ZNF468: variants seen among roughly 807,000 people sequenced by gnomAD.
The protein encoded by ZNF468 is zinc finger protein ZNF468.
Under a neutral mutation model 7.2 loss-of-function variants are expected in ZNF468, and 8 were observed. The ratio of observed to expected loss-of-function variants is 1.11; its 90% CI spans 0.65 to 2.01. The LOEUF (loss-of-function observed/expected upper bound fraction) is 2.01, where lower values mean the gene tolerates loss of function less well. Ranked by LOEUF, ZNF468 falls within the 30% of genes most tolerant of loss-of-function variation. The pLI is 0.00. For missense variants in ZNF468, 608 were observed against 626.5 expected (o/e 0.97, Z 0.31); for synonymous variants, 218 against 214.4 (o/e 1.02, Z -0.15).
intron 3 of ZNF468, among the ~76,000 whole-genome samples, chr19:52,844,586 T>C (rs201154028): frequency 1.3e-5 from 2 of 152,130 alleles, no homozygotes; most frequent in East Asian, 3.9e-4. Context: ...TTGCCAAGTC[T>C]GGAGTGCAGT....
Position 52,839,832 on chromosome 19 carries a change from G to T in ZNF468, c.*893C>A. On this transcript the variant is annotated 3_prime_UTR_variant, in exon 4 of 4. Transcript: ENST00000595646. ...AGTTCACCAGTGAAATGCAAGGCAT[G>T]AACGATGTCTGAAAAATTTGCCACA... The T allele has an allele frequency of 5.3e-6, 3 of 561,644 alleles. No homozygotes were observed. Among genetic ancestry groups the T allele is most frequent in the South Asian group, 3.2e-5 (2 of 63,210 alleles). The allele number at this position is 561,644 out of a possible 1,614,324, so 34.8% of individuals were successfully genotyped here. A position where few individuals can be genotyped will look rare whatever the true frequency, so the allele number is the denominator to read the frequency against.
chr19:52,844,301 T>G (rs1339997459), intron 3 of ZNF468, among the ~76,000 whole-genome samples: 1 of 149,496 alleles, frequency 6.7e-6, no homozygotes, highest in East Asian at 1.9e-4. Context: ...CTGTTCCTCT[T>G]TCCACCGTAT....
chr19:52,849,735 CAA>C (rs59094952), intron 2 of ZNF468: 23 of 114,000 alleles, frequency 2.0e-4, no homozygotes, highest in Middle Eastern at 5.0e-3. Flanking sequence ...AACTCCATCT[CAA>C]AAAAAAAAAA....
rs771700341 is a variant in ZNF468, at chr19:52,849,097, G to C, written c.132C>G (p.Leu44=). Residue 44 remains leucine, a synonymous_variant, in exon 3 of 4, where the codon CTC becomes CTG. Coordinates refer to ENST00000595646, the MANE Select transcript of ZNF468 (RefSeq NM_001008801.2). ...GGAAGTTATCCTCACCCAGGGAGACGAGGTTCCTATAATTCTCCAGCATCA... is the reference window on the plus strand; with the variant it reads ...GGAAGTTATCCTCACCCAGGGAGACCAGGTTCCTATAATTCTCCAGCATCA... ...RDVMLENYRN[L]VSLDISSKCM... 3.1e-5 allele frequency: 50 copies of C among 1,613,572 alleles called. No individual in the cohort carries two copies. The highest frequency in any genetic ancestry group is 5.0e-5 in the Admixed American group (3 of 59,966).
rs61729942 is a variant in ZNF468 at position 52,841,857 on chromosome 19, A to G, written c.437T>C (p.Leu146Ser). 180,611 of 1,613,874 alleles carry G rather than the reference A, an allele frequency of 0.11. 10,676 individuals carry two copies. The highest frequency in any genetic ancestry group is 0.12 in the Admixed American group (7,096 of 60,000). Residue 146 changes from leucine to serine, a missense_variant, in exon 4 of 4, where the codon TTG becomes TCG. Physicochemically the swap from Leu to Ser is moderately radical, Grantham distance 145. Coordinates refer to ENST00000595646, the MANE Select transcript of ZNF468 (RefSeq NM_001008801.2). ...IKDQLGSSFH[L>S]HLPEPHIFQS... is the part of the protein sequence containing the mutation. ...AAATATGTGCGGTTCAGGCAGATGC[A>G]AATGAAAGCTTGATCCAAGCTGATC...
chr19:52,854,349 A>T lies in ZNF468; in HGVS notation c.-73-4T>A. On this transcript the variant is annotated splice_polypyrimidine_tract_variant and splice_region_variant and intron_variant, in intron 1 of 3. Coordinates refer to ENST00000595646, the MANE Select transcript of ZNF468 (RefSeq NM_001008801.2). ...CAACAGTCTTTAGAAGTCAATCCTGAATGTTAAAAATATGTTGTTTATCAC... is the reference window on the plus strand; with the variant it reads ...CAACAGTCTTTAGAAGTCAATCCTGTATGTTAAAAATATGTTGTTTATCAC... 3 of 1,606,720 alleles carry T rather than the reference A, an allele frequency of 1.9e-6. No homozygotes were observed. The highest frequency in any genetic ancestry group is 2.6e-6 in the Non-Finnish European group (3 of 1,174,338).
chr19:52,852,721 C>T (rs530016134), intron 2 of ZNF468, among the ~76,000 whole-genome samples: 3 of 151,990 alleles, frequency 2.0e-5, no homozygotes, highest in Non-Finnish European at 4.4e-5. Context: ...CTATTGGGTA[C>T]TGGACTTGAT....
intron 1 of ZNF468, 38 bp from the exon 2 acceptor site, chr19:52,854,383 A>C: frequency 6.4e-7 from 1 of 1,563,926 alleles, no homozygotes; most frequent in South Asian, 1.1e-5. Flanking sequence ...ACTCAGAATC[A>C]ACACACCCCC....
Position 52,839,720 on chromosome 19 carries a change from A to G in ZNF468, c.*1005T>C, listed in dbSNP as rs1039116722. 29 of 527,352 alleles carry G rather than the reference A, an allele frequency of 5.5e-5. 1 individual carries two copies. Among genetic ancestry groups the G allele is most frequent in the Non-Finnish European group, 9.2e-5 (24 of 260,540 alleles). 32.7% of individuals were successfully genotyped at this position (527,352 alleles called of 1,614,324 possible). ...CACACTTGTGAGGTTTCTCTCCTGTATGAATCCTCCTATGTTTTGCATAGG... is the reference window on the plus strand; with the variant it reads ...CACACTTGTGAGGTTTCTCTCCTGTGTGAATCCTCCTATGTTTTGCATAGG... On this transcript the variant is annotated 3_prime_UTR_variant, in exon 4 of 4. Transcript: ENST00000595646.
rs1314108912 is a variant in ZNF468, at chr19:52,846,126, CAT to C, written c.142+2959_142+2960del. On this transcript the variant is annotated intron_variant, in intron 3 of 3. Coordinates refer to ENST00000595646, the MANE Select transcript of ZNF468 (RefSeq NM_001008801.2). ...AATAAAAGGCATGAAAAACACTGTA[CAT>C]ATATGTTAACGGAAATGCAACATAC... Among the ~76,000 whole-genome samples the C allele has an allele frequency of 2.0e-5, 3 of 152,070 alleles. No individual in the cohort carries two copies. The East Asian group carries it at 5.8e-4, about 29-fold the overall frequency.
chr19:52,857,023 A>G (rs1427900227), intron 1 of ZNF468, among the ~76,000 whole-genome samples: 1 of 151,944 alleles, frequency 6.6e-6, no homozygotes, highest in Non-Finnish European at 1.5e-5. Flanking sequence ...TCACAGGACA[A>G]GCCCCAGGCA....
At chr19:52,851,726 G>C (rs1377237691) in intron 2 of ZNF468, among the ~76,000 whole-genome samples, 1 of 152,152 alleles carries the variant, frequency 6.6e-6, no homozygotes, top group African/African-American at 2.4e-5. Flanking sequence ...GGGCAACAGA[G>C]TGAGACCTTC....
chr19:52,852,081 C>T (rs2063394803), intron 2 of ZNF468, among the ~76,000 whole-genome samples: 1 of 151,930 alleles, frequency 6.6e-6, no homozygotes, highest in South Asian at 2.1e-4. Context: ...AAATAACTAT[C>T]GGGCCCGGGC....
intron 2 of ZNF468, 126 bp from the exon 3 acceptor site, chr19:52,849,339 A>C: frequency 1.3e-6 from 2 of 1,543,894 alleles, no homozygotes. Context: ...AATCCAAATA[A>C]GGGATTTCTC....
chr19:52,857,007 C>T (rs1173227700), intron 1 of ZNF468, among the ~76,000 whole-genome samples: 1 of 151,946 alleles, frequency 6.6e-6, no homozygotes. Flanking sequence ...GCAAGAACAC[C>T]CCGCGTCACA....
At chr19:52,853,412 G>A (rs1163143237) in intron 2 of ZNF468, among the ~76,000 whole-genome samples, 5 of 152,104 alleles carry the variant, frequency 3.3e-5, no homozygotes, top group African/African-American at 7.2e-5. Context: ...GGTGGGGCTG[G>A]GCATGATGGC....
At chr19:52,854,657 T>G (rs1474189413) in intron 1 of ZNF468, among the ~76,000 whole-genome samples, 1 of 152,050 alleles carries the variant, frequency 6.6e-6, no homozygotes, top group Non-Finnish European at 1.5e-5. Flanking sequence ...AGGAAGCTGA[T>G]GTGGAAGCAT....
chr19:52,856,679 G>C (rs1036815607), intron 1 of ZNF468, among the ~76,000 whole-genome samples: 4 of 142,826 alleles, frequency 2.8e-5, no homozygotes, highest in African/African-American at 1.0e-4. Flanking sequence ...CCACATTTCT[G>C]CCCCTCTCCC....
chr19:52,854,611 T>G (rs1260373137), intron 1 of ZNF468, among the ~76,000 whole-genome samples: 1 of 152,050 alleles, frequency 6.6e-6, no homozygotes, highest in Non-Finnish European at 1.5e-5. Context: ...CCAGGTATGG[T>G]GGTACGCATC....
Sources: gnomAD v4.1 joint callset for allele counts (sites outside exome capture counted in the v4.1 genomes callset) on GRCh38, gnomAD v4.1.1 for gene constraint, MANE v1.5 for transcripts, NCBI Gene and HGNC (gene_info 2026-07-23, HGNC 2026-07-21) for gene names.